GALM: variants seen among roughly 807,000 people sequenced by gnomAD.
The protein encoded by GALM is aldose 1-epimerase.
Under a neutral mutation model 37.4 loss-of-function variants are expected in GALM, and 43 were observed. The observed-to-expected ratio is 1.15, with a 90% CI of 0.90 to 1.48. GALM has a LOEUF of 1.48. Among genes scored for constraint, GALM ranks in the 40% most tolerant of loss-of-function variants. GALM has a pLI of 0.00. For synonymous variants in GALM, 199 were observed against 170.6 expected, an observed-to-expected ratio of 1.17 and a Z score of -1.30; for missense variants, 456 against 419.1, an observed-to-expected ratio of 1.09 and a Z score of -0.77.
intron 5 of GALM, 125 bp from the exon 6 acceptor site, chr2:38,731,607 TCTC>T: frequency 2.8e-6 from 2 of 707,690 alleles, no homozygotes; most frequent in South Asian, 3.5e-5. Flanking sequence ...CCTACCTTCA[TCTC>T]CTCCTTATAT....
chr2:38,698,970 A>G (rs765713115), intron 4 of GALM, among the ~76,000 whole-genome samples: 15 of 151,924 alleles, frequency 9.9e-5, no homozygotes, highest in Non-Finnish European at 1.8e-4. Context: ...CTGGCGTGCA[A>G]TGGCACATCC....
At chr2:38,685,775 T>C (rs1393678839) in intron 3 of GALM, among the ~76,000 whole-genome samples, 1 of 152,150 alleles carries the variant, frequency 6.6e-6, no homozygotes, top group Non-Finnish European at 1.5e-5. Context: ...TGGAGTGCAG[T>C]GGCGCAATCT....
chr2:38,698,513 T>TAAA, intron 4 of GALM: 5 of 522,704 alleles, frequency 9.6e-6, no homozygotes, highest in Admixed American at 4.5e-5. Flanking sequence ...CTTAGCTACT[T>TAAA]AAAAAAAAAA....
intron 1 of GALM, among the ~76,000 whole-genome samples, chr2:38,675,315 G>A (rs1292033458): frequency 6.6e-6 from 1 of 152,034 alleles, no homozygotes; most frequent in Non-Finnish European, 1.5e-5. Context: ...GATAATTTCA[G>A]TTTTTTCTTT....
At chr2:38,705,910 C>G (rs1242304408) in intron 4 of GALM, among the ~76,000 whole-genome samples, 2 of 152,022 alleles carry the variant, frequency 1.3e-5, no homozygotes, top group Non-Finnish European at 2.9e-5. Flanking sequence ...CAACCTCCCC[C>G]TCCGGGTTCA....
At chr2:38,713,052 T>C (rs1269585949) in intron 4 of GALM, among the ~76,000 whole-genome samples, 4 of 152,164 alleles carry the variant, frequency 2.6e-5, no homozygotes, top group Non-Finnish European at 4.4e-5. Flanking sequence ...CTGTCCCTAG[T>C]GCCCTTCTTG....
chr2:38,700,962 C>G (rs114775922), intron 4 of GALM, among the ~76,000 whole-genome samples: 22 of 152,114 alleles, frequency 1.4e-4, no homozygotes, highest in Non-Finnish European at 2.5e-4. Context: ...AGATGTGGGA[C>G]TCCCTTGAGC....
chr2:38,666,912 T>C (rs1664954033), intron 1 of GALM, among the ~76,000 whole-genome samples: 1 of 152,160 alleles, frequency 6.6e-6, no homozygotes. Context: ...CAGTGTCTTC[T>C]CAGAGATCAG....
chr2:38,674,975 G>A (rs962065560), intron 1 of GALM, among the ~76,000 whole-genome samples: 1 of 152,170 alleles, frequency 6.6e-6, no homozygotes, highest in Non-Finnish European at 1.5e-5. Flanking sequence ...AGGAGTTCGA[G>A]ACCAGCCTGG....
At chr2:38,696,495 A>G (rs1665809116) in intron 4 of GALM, among the ~76,000 whole-genome samples, 1 of 150,892 alleles carries the variant, frequency 6.6e-6, no homozygotes, top group African/African-American at 2.4e-5. Context: ...CAGTGACACA[A>G]TCATAGCTCA....
chr2:38,675,292 TGATGA>T (rs1267611865), intron 1 of GALM, among the ~76,000 whole-genome samples: 1 of 151,996 alleles, frequency 6.6e-6, no homozygotes, highest in Non-Finnish European at 1.5e-5. Flanking sequence ...CTCTCTCGAG[TGATGA>T]GATGAAGGAT....
Position 38,717,202 on chromosome 2 carries a change from A to G in GALM, c.635-12354A>G, listed in dbSNP as rs1258414712. On this transcript the variant is annotated intron_variant, in intron 4 of 6. Coordinates refer to ENST00000272252, the MANE Select transcript of GALM (RefSeq NM_138801.3). ...GAGGCCGAGGTTGCAGTGAGCCAAGATCACGCCATTGCACCCCAGCCTGGG... is the reference window on the plus strand; with the variant it reads ...GAGGCCGAGGTTGCAGTGAGCCAAGGTCACGCCATTGCACCCCAGCCTGGG... 5.9e-5 allele frequency among the ~76,000 whole-genome samples: 9 copies of G among 151,924 alleles called. No individual in the cohort carries two copies. The East Asian group carries it at 1.8e-3, about 30-fold the overall frequency.
chr2:38,678,976 G>A (rs140998318), intron 2 of GALM, among the ~76,000 whole-genome samples: 8 of 151,924 alleles, frequency 5.3e-5, no homozygotes, highest in Admixed American at 5.2e-4. Context: ...CAAATAACAT[G>A]TATAACTTTA....
At chr2:38,720,372 T>G (rs1302642401) in intron 4 of GALM, among the ~76,000 whole-genome samples, 1 of 142,638 alleles carries the variant, frequency 7.0e-6, no homozygotes, top group Non-Finnish European at 1.5e-5. Flanking sequence ...ATTGCAAGGA[T>G]TAATGTTCTT....
At chr2:38,671,129 A>C (rs1299376460) in intron 1 of GALM, among the ~76,000 whole-genome samples, 4 of 152,250 alleles carry the variant, frequency 2.6e-5, no homozygotes, top group Non-Finnish European at 5.9e-5. Context: ...TGACTTGGTT[A>C]AATCAATATT....
chr2:38,681,021 A>C (rs1665380246), intron 2 of GALM, among the ~76,000 whole-genome samples: 1 of 151,918 alleles, frequency 6.6e-6, no homozygotes, highest in South Asian at 2.1e-4. Flanking sequence ...CTGTAATCAT[A>C]CTCGGGAGGC....
At chr2:38,702,358 T>A (rs1398455192) in intron 4 of GALM, among the ~76,000 whole-genome samples, 9 of 149,662 alleles carry the variant, frequency 6.0e-5, no homozygotes, top group South Asian at 2.1e-4. Flanking sequence ...TTTTAAAACT[T>A]AAAAAAAAAA....
At chr2:38,723,139 T>C (rs1199786246) in intron 4 of GALM, among the ~76,000 whole-genome samples, 1 of 152,200 alleles carries the variant, frequency 6.6e-6, no homozygotes, top group Non-Finnish European at 1.5e-5. Context: ...AGGGCACAAT[T>C]CTTGCCCTTT....
intron 4 of GALM, among the ~76,000 whole-genome samples, chr2:38,720,027 C>G (rs1218915696): frequency 6.6e-6 from 1 of 151,758 alleles, no homozygotes; most frequent in East Asian, 1.9e-4. Context: ...GATGGTGAAA[C>G]CCCGTCTCTA....
Sources: allele counts gnomAD v4.1 joint callset (sites outside exome capture counted in the v4.1 genomes callset), GRCh38; gene constraint gnomAD v4.1.1; transcripts MANE v1.5; gene names NCBI Gene and HGNC (gene_info 2026-07-23, HGNC 2026-07-21).